The following BRD9 variants were observed in gnomAD, a reference collection of about 807,000 sequenced individuals.
BRD9 encodes bromodomain-containing protein 9.
In BRD9, 47 loss-of-function variants were observed where a neutral mutation model predicts 68.7. The observed-to-expected ratio is 0.68, with a 90% CI of 0.54 to 0.87. The LOEUF (loss-of-function observed/expected upper bound fraction) is 0.87, where lower values mean the gene tolerates loss of function less well. BRD9 is among the 40% of genes least tolerant of loss of function. BRD9 has a pLI of 0.00. For synonymous variants in BRD9, 313 were observed against 293.9 expected, an observed-to-expected ratio of 1.06 and a Z score of -0.67; for missense variants, 670 against 748.4, an observed-to-expected ratio of 0.90 and a Z score of 1.22.
rs367911879 is a variant in BRD9 at position 865,159 on chromosome 5, G to A, written c.1693+255C>T. 1.6e-4 allele frequency among the ~76,000 whole-genome samples: 25 copies of A among 152,332 alleles called. No homozygotes were observed. In the East Asian group the frequency reaches 3.7e-3, roughly 22 times the overall value. On this transcript the variant is annotated intron_variant, in intron 15 of 15. Coordinates refer to ENST00000467963, the MANE Select transcript of BRD9 (RefSeq NM_023924.5). ...CAGGGTCCACAGAGGGCACAGGGGT[G>A]GACAGAACTGGGGACGGTATCTGGC... is the stretch of plus-strand genomic sequence containing the variant.
intron 12 of BRD9, among the ~76,000 whole-genome samples, chr5:872,650 T>C (rs10059936): frequency 6.6e-6 from 1 of 152,136 alleles, no homozygotes; most frequent in Non-Finnish European, 1.5e-5. Flanking sequence ...AGAAATCTGC[T>C]TGGGGACTCC....
intron 12 of BRD9, among the ~76,000 whole-genome samples, chr5:872,005 A>T (rs905394639): frequency 3.3e-5 from 5 of 152,174 alleles, no homozygotes; most frequent in African/African-American, 1.2e-4. Flanking sequence ...GTGCAGGAGC[A>T]AAGGAGGCAG....
At chr5:882,635 C>T (rs73733947) in intron 8 of BRD9, 5,595 of 162,332 alleles carry the variant, frequency 0.034, 314 homozygotes, top group African/African-American at 0.13. Context: ...GCCAAGCAAC[C>T]GCCCCACACG....
intron 11 of BRD9, 23 bp downstream of exon 11, chr5:878,332 G>T (rs1246301241): frequency 3.7e-6 from 6 of 1,611,704 alleles, no homozygotes; most frequent in Non-Finnish European, 4.2e-6. Context: ...AGCAGCCAAG[G>T]GCTCCCCGGG....
chr5:888,905 CAG>C, intron 5 of BRD9, 114 bp downstream of exon 5: 1 of 1,108,566 alleles, frequency 9.0e-7, no homozygotes, highest in Non-Finnish European at 1.3e-6. Flanking sequence ...CATCCGAACA[CAG>C]AAACACCTGT....
chr5:889,825 G>T, intron 3 of BRD9, 178 bp from the exon 4 acceptor site: 1 of 1,359,550 alleles, frequency 7.4e-7, no homozygotes, highest in Non-Finnish European at 9.9e-7. Context: ...CAGCCGGGTA[G>T]AAAGGGCACC....
At chr5:878,050 C>A (rs1429430906) in intron 11 of BRD9, among the ~76,000 whole-genome samples, 1 of 152,232 alleles carries the variant, frequency 6.6e-6, no homozygotes, top group African/African-American at 2.4e-5. Flanking sequence ...TTTGTCACTG[C>A]AGCCTGAGCT....
intron 14 of BRD9, chr5:870,255 C>A: frequency 1.9e-6 from 1 of 521,120 alleles, no homozygotes; most frequent in East Asian, 3.3e-5. Flanking sequence ...GGGGCTGCAA[C>A]CACTTCTCAT....
Position 889,863 on chromosome 5 carries a change from T to C in BRD9, c.401-216A>G, listed in dbSNP as rs1395016985. ...CACAGCAGGAGTCATAAAAATCTCT[T>C]GTAATAACCGGTAGCCCTTACATCA... is the stretch of plus-strand genomic sequence containing the variant. On this transcript the variant is annotated intron_variant, in intron 3 of 15. Coordinates refer to ENST00000467963, the MANE Select transcript of BRD9 (RefSeq NM_023924.5). 57 of 963,594 alleles carry C rather than the reference T, an allele frequency of 5.9e-5. 1 individual carries two copies. The South Asian group carries it at 7.8e-4, about 13-fold the overall frequency. 59.7% of individuals were successfully genotyped at this position (963,594 alleles called of 1,614,324 possible).
intron 8 of BRD9, 118 bp from the exon 9 acceptor site, chr5:881,300 C>T (rs554193535): frequency 5.4e-5 from 50 of 925,640 alleles, no homozygotes; most frequent in Non-Finnish European, 7.5e-5. Context: ...CAAGAACAAA[C>T]GCCAGAGGGC....
In BRD9 at chr5:881,510, C is replaced by T. The variant is rs1268088552; in HGVS notation, c.967-328G>A. The T allele has an allele frequency of 7.4e-6, 3 of 402,874 alleles. No individual in the cohort carries two copies. The East Asian group carries it at 1.6e-4, about 22-fold the overall frequency. 25.0% of individuals were successfully genotyped at this position (402,874 alleles called of 1,614,324 possible). A position where few individuals can be genotyped will look rare whatever the true frequency, so the allele number is the denominator to read the frequency against. On this transcript the variant is annotated intron_variant, in intron 8 of 15. Coordinates refer to ENST00000467963, the MANE Select transcript of BRD9 (RefSeq NM_023924.5). ...CGGTCAGCAGGTCAGCATGGCACTG[C>T]CCTGACGGCAGGCGGCTCCAGCCCT...
chr5:885,262 G>A (rs1053687497), intron 7 of BRD9, among the ~76,000 whole-genome samples: 1 of 152,210 alleles, frequency 6.6e-6, no homozygotes, highest in South Asian at 2.1e-4. Flanking sequence ...GACCGCCTTA[G>A]GGGACTGTCG....
chr5:869,075 G>A (rs1749767619), intron 14 of BRD9: 1 of 285,374 alleles, frequency 3.5e-6, no homozygotes, highest in African/African-American at 2.3e-5. Context: ...CCAGACTTGA[G>A]CTCTATGAAT....
intron 10 of BRD9, 165 bp from the exon 11 acceptor site, chr5:878,652 TA>T (rs1751365903): frequency 1.1e-6 from 1 of 898,216 alleles, no homozygotes; most frequent in Non-Finnish European, 1.7e-6. Flanking sequence ...TTTCCATGTG[TA>T]ACCAGCAGGG....
At chr5:878,808 A>G (rs1182985786) in intron 10 of BRD9, 322 of 355,556 alleles carry the variant, frequency 9.1e-4, no homozygotes, top group Middle Eastern at 7.0e-3. Context: ...GAGGATCCCA[A>G]CCAACACACA....
intron 9 of BRD9, 93 bp downstream of exon 9, chr5:881,014 T>C (rs1381878049): frequency 6.0e-6 from 8 of 1,343,866 alleles, no homozygotes; most frequent in Non-Finnish European, 7.3e-6. Context: ...TGCTGCCCCA[T>C]GGCCATGGCT....
rs373600367 is a variant in BRD9 at position 881,100 on chromosome 5, C to A, written c.1042+7G>T. 8.6e-5 allele frequency: 138 copies of A among 1,613,774 alleles called. No homozygotes were observed. The highest frequency in any genetic ancestry group is 1.0e-4 in the Non-Finnish European group (123 of 1,179,970). On this transcript the variant is annotated splice_region_variant and intron_variant, in intron 9 of 15. Coordinates refer to ENST00000467963, the MANE Select transcript of BRD9 (RefSeq NM_023924.5). Reference sequence around the variant, plus strand: ...GAGCATAAAGCCAGCCCTGAGCGGGCACCCACCATCAGCGTCCGGCTCGGC... The same window carrying A: ...GAGCATAAAGCCAGCCCTGAGCGGGAACCCACCATCAGCGTCCGGCTCGGC...
At chr5:892,371 G>A (rs552267686) in intron 1 of BRD9, 5 of 966,268 alleles carry the variant, frequency 5.2e-6, no homozygotes, top group African/African-American at 3.5e-5. Flanking sequence ...GGGGTGAGTG[G>A]GCTTGCAGCC....
Position 864,528 on chromosome 5 carries a change from G to C in BRD9, c.1734C>G (p.Val578=). 1 of 1,614,030 alleles carries C rather than the reference G, an allele frequency of 6.2e-7. No homozygotes were observed. The highest frequency in any genetic ancestry group is 2.2e-5 in the East Asian group (1 of 44,880). ...GAAGAAACTCATAGGGGTCGTGGGT[G>C]ACGTCTGGCTGCTCCCCGACACTCA... is the stretch of plus-strand genomic sequence containing the variant. ...SRLSVGEQPD[V]THDPYEFLQS... is the part of the protein sequence containing the mutation. Residue 578 remains valine (V), a synonymous_variant, in exon 16 of 16, where the codon GTC becomes GTG. Transcript: ENST00000467963.
Sources: gnomAD v4.1 joint callset for allele counts (sites outside exome capture counted in the v4.1 genomes callset) on GRCh38, gnomAD v4.1.1 for gene constraint, MANE v1.5 for transcripts, NCBI Gene and HGNC (gene_info 2026-07-23, HGNC 2026-07-21) for gene names.